Variants in AVEN observed in about 807,000 individuals in gnomAD.
AVEN encodes the protein apoptosis and caspase activation inhibitor.
In AVEN, 41 loss-of-function variants were observed where a neutral mutation model predicts 38.1. The ratio of observed to expected loss-of-function variants is 1.08; its 90% confidence interval spans 0.84 to 1.40. The LOEUF is 1.40. AVEN is among the 40% of genes most tolerant of loss of function. The pLI is 0.00. For synonymous variants in AVEN, 206 were observed against 171.8 expected, an observed-to-expected ratio of 1.20 and a Z score of -1.56; for missense variants, 605 against 438.8, an observed-to-expected ratio of 1.38 and a Z score of -3.38.
chr15:33,904,337 T>C (rs576463204), intron 2 of AVEN, among the ~76,000 whole-genome samples: 1 of 152,308 alleles, frequency 6.6e-6, no homozygotes, highest in Non-Finnish European at 1.5e-5. Flanking sequence ...GGAGAACCAC[T>C]TGAGCCCAGG....
chr15:34,015,375 G>A (rs750083215), intron 1 of AVEN, among the ~76,000 whole-genome samples: 5 of 151,968 alleles, frequency 3.3e-5, no homozygotes, highest in East Asian at 1.9e-4. Context: ...CCAGCTACTC[G>A]GGAGGCTGAG....
chr15:33,947,454 G>A (rs914343967), intron 2 of AVEN, among the ~76,000 whole-genome samples: 3 of 152,176 alleles, frequency 2.0e-5, no homozygotes, highest in Non-Finnish European at 4.4e-5. Context: ...ACGTAGATGC[G>A]TTTGGGGACC....
chr15:33,921,618 A>T (rs1893397636), intron 2 of AVEN, among the ~76,000 whole-genome samples: 1 of 152,212 alleles, frequency 6.6e-6, no homozygotes, highest in South Asian at 2.1e-4. Context: ...TGGTGGGATA[A>T]GATATTTAAA....
intron 2 of AVEN, among the ~76,000 whole-genome samples, chr15:33,944,085 CAAGT>C (rs964392711): frequency 3.3e-5 from 5 of 152,130 alleles, no homozygotes; most frequent in Admixed American, 3.3e-4. Flanking sequence ...CTCAACTCTT[CAAGT>C]AAGACTGATA....
At chr15:34,042,097 T>G (rs1416466517), upstream of AVEN, among the ~76,000 whole-genome samples, 2 of 152,192 alleles carry the variant, frequency 1.3e-5, no homozygotes, top group Non-Finnish European at 2.9e-5. Flanking sequence ...CGTGTGATTC[T>G]GGTCCAAAAA....
chr15:33,886,277 C>T (rs1439433395), intron 2 of AVEN, among the ~76,000 whole-genome samples: 1 of 152,138 alleles, frequency 6.6e-6, no homozygotes, highest in African/African-American at 2.4e-5. Context: ...CCATGCTATT[C>T]GCATGATAGT....
At chr15:33,963,384 G>T (rs546154681) in intron 2 of AVEN, among the ~76,000 whole-genome samples, 2 of 152,302 alleles carry the variant, frequency 1.3e-5, no homozygotes, top group Admixed American at 6.5e-5. Context: ...GAAATGGAAG[G>T]TCTAAAATCT....
chr15:33,858,316 TG>T (rs988662840), downstream of AVEN: 36 of 177,448 alleles, frequency 2.0e-4, no homozygotes, highest in African/African-American at 8.5e-4. Flanking sequence ...GTGATTCTTC[TG>T]CCTCAGCCTC....
chr15:33,971,575 T>C (rs1236482153), intron 2 of AVEN, among the ~76,000 whole-genome samples: 1 of 152,098 alleles, frequency 6.6e-6, no homozygotes, highest in Non-Finnish European at 1.5e-5. Flanking sequence ...TAATTTTGTA[T>C]ATAAAATTAG....
At chr15:33,980,893 C>G (rs1389092841) in intron 2 of AVEN, among the ~76,000 whole-genome samples, 2 of 152,168 alleles carry the variant, frequency 1.3e-5, no homozygotes, top group African/African-American at 4.8e-5. Flanking sequence ...CTAAATGTAG[C>G]CTGCCCTAAA....
chr15:33,975,573 A>G (rs1895847674), intron 2 of AVEN, among the ~76,000 whole-genome samples: 1 of 152,250 alleles, frequency 6.6e-6, no homozygotes, highest in Admixed American at 6.5e-5. Context: ...ATAGAAACAA[A>G]AAGTGAGAAT....
intron 1 of AVEN, among the ~76,000 whole-genome samples, chr15:34,072,747 C>T (rs1277015253): frequency 4.1e-5 from 6 of 146,628 alleles, no homozygotes; most frequent in Non-Finnish European, 7.6e-5. Context: ...CTCCCGGGTT[C>T]AACACACCAT....
chr15:33,852,504 AAATAGAGTGG>A, the AVEN span: 1 of 155,706 alleles, frequency 6.4e-6, no homozygotes, highest in Non-Finnish European at 1.4e-5. Flanking sequence ...TGGGAATAGA[AAATAGAGTGG>A]AAAAACACTC....
At chr15:33,855,512 T>C (rs925739554), downstream of AVEN, among the ~76,000 whole-genome samples, 2 of 152,156 alleles carry the variant, frequency 1.3e-5, no homozygotes, top group Non-Finnish European at 2.9e-5. Flanking sequence ...CCGGAGATCT[T>C]TTTAAGGTCT....
At chr15:33,853,171 G>C in the AVEN span, 23,257 of 1,155,302 alleles carry the variant, frequency 0.02, 533 homozygotes, top group Non-Finnish European at 0.018. Flanking sequence ...ACAAACATGA[G>C]TAAATGTGAT....
chr15:34,075,135 T>C (rs530791592), exon 1 of AVEN, among the ~76,000 whole-genome samples: 3 of 125,282 alleles, frequency 2.4e-5, no homozygotes, highest in Middle Eastern at 0.013. Flanking sequence ...CAAGCCAAGA[T>C]CACGCCACTG....
In AVEN at chr15:34,003,095, C is replaced by T. The variant is rs758534979; in HGVS notation, c.382G>A (p.Val128Ile). 3.7e-6 allele frequency: 6 copies of T among 1,613,782 alleles called. No homozygotes were observed. The African/African-American group carries it at 6.7e-5, about 18-fold the overall frequency. The change falls in exon 2 of 6, where the codon GTC becomes ATC. Residue 128 changes from valine (V) to isoleucine (I), a missense_variant. Coordinates refer to ENST00000306730, the MANE Select transcript of AVEN (RefSeq NM_020371.3). ...WDRYQDIEKE[V>I]NNESGESQRG... ...TGTGACTCTCCACTTTCATTATTGA[C>T]CTCTTTTTCAATATCTTGATATCGA...
intron 5 of AVEN, among the ~76,000 whole-genome samples, chr15:34,053,587 C>T (rs975445536): frequency 6.6e-6 from 1 of 151,792 alleles, no homozygotes; most frequent in African/African-American, 2.4e-5. Context: ...GAAAGGATTC[C>T]CTATTTCATA....
intron 5 of AVEN, among the ~76,000 whole-genome samples, chr15:34,057,078 C>A (rs1382547962): frequency 6.6e-6 from 1 of 151,952 alleles, no homozygotes; most frequent in Non-Finnish European, 1.5e-5. Flanking sequence ...ATTATTTTAC[C>A]CTGTCCCTTA....
Sources: gnomAD v4.1 joint callset for allele counts (sites outside exome capture counted in the v4.1 genomes callset) on GRCh38, gnomAD v4.1.1 for gene constraint, MANE v1.5 for transcripts, NCBI Gene and HGNC (gene_info 2026-07-23, HGNC 2026-07-21) for gene names.